FBXL7: variants seen among roughly 807,000 people sequenced by gnomAD.
FBXL7 encodes F-box and leucine rich repeat protein 7.
In FBXL7, 12 loss-of-function variants were observed where a neutral mutation model predicts 38.3. The observed-to-expected ratio is 0.31, with a 90% CI of 0.20 to 0.51. The LOEUF (loss-of-function observed/expected upper bound fraction) is 0.51. Ranked by LOEUF, FBXL7 falls within the 20% of genes least tolerant of loss-of-function variation. The probability of loss-of-function intolerance (pLI) is 0.98; values close to 1 mark genes in which losing one functional copy is unlikely to be tolerated. For missense variants in FBXL7, 567 were observed against 676.4 expected (o/e 0.84, Z 1.79); for synonymous variants, 297 against 300.9 (o/e 0.99, Z 0.13).
At chr5:15,816,161 A>G (rs1738007641) in intron 2 of FBXL7, among the ~76,000 whole-genome samples, 1 of 152,148 alleles carries the variant, frequency 6.6e-6, no homozygotes. Context: ...CTGCACCTAT[A>G]TGTTTATCAC....
Position 15,916,427 on chromosome 5 carries a change from A to G in FBXL7, c.128-11463A>G, listed in dbSNP as rs575087257. Among the ~76,000 whole-genome samples the G allele has an allele frequency of 7.1e-4, 108 of 152,290 alleles. 1 individual carries two copies. The highest frequency in any genetic ancestry group is 2.5e-3 in the African/African-American group (104 of 41,558). ...TTGGGGAGTCATTAGCTTATAGGCAATTGCTGAAGCCTTGTGGGCCGTGAG... is the reference window on the plus strand; with the variant it reads ...TTGGGGAGTCATTAGCTTATAGGCAGTTGCTGAAGCCTTGTGGGCCGTGAG... On this transcript the variant is annotated intron_variant, in intron 2 of 3. Transcript: ENST00000504595.
chr5:15,540,643 TTCTTTAAA>T (rs755440060), intron 1 of FBXL7, among the ~76,000 whole-genome samples: 174 of 152,376 alleles, frequency 1.1e-3, no homozygotes, highest in Non-Finnish European at 2.1e-3. Context: ...TAGACATTTA[TTCTTTAAA>T]AAGAGCAGAC....
At chr5:15,636,961 T>TTG (rs145863365) in intron 2 of FBXL7, among the ~76,000 whole-genome samples, 2 of 151,626 alleles carry the variant, frequency 1.3e-5, no homozygotes, top group African/African-American at 4.9e-5. Flanking sequence ...CAGAAATTTT[T>TTG]TTGTTGTTTT....
chr5:15,859,538 T>C (rs900465995), intron 2 of FBXL7, among the ~76,000 whole-genome samples: 2 of 152,006 alleles, frequency 1.3e-5, no homozygotes, highest in Non-Finnish European at 2.9e-5. Flanking sequence ...GCTCGGGAAG[T>C]CTCACAATCA....
chr5:15,763,523 T>TA (rs2126701211), intron 2 of FBXL7, among the ~76,000 whole-genome samples: 1 of 152,288 alleles, frequency 6.6e-6, no homozygotes, highest in Non-Finnish European at 1.5e-5. Context: ...CTACATCGAA[T>TA]ATAATTTGTG....
intron 2 of FBXL7, among the ~76,000 whole-genome samples, chr5:15,864,754 T>C (rs936834247): frequency 2.6e-5 from 4 of 152,224 alleles, no homozygotes; most frequent in Non-Finnish European, 4.4e-5. Flanking sequence ...ATGGTTTACG[T>C]TGCAGTAGAA....
At chr5:15,523,402 CA>C (rs1561014290) in intron 1 of FBXL7, among the ~76,000 whole-genome samples, 4 of 151,528 alleles carry the variant, frequency 2.6e-5, no homozygotes, top group African/African-American at 7.3e-5. Flanking sequence ...ACTAAAAATA[CA>C]AAAAAATTAG....
chr5:15,520,659 G>A (rs1417264069), intron 1 of FBXL7, among the ~76,000 whole-genome samples: 1 of 152,264 alleles, frequency 6.6e-6, no homozygotes, highest in Non-Finnish European at 1.5e-5. Context: ...TAGTGATCAA[G>A]TTTCCTAACG....
intron 2 of FBXL7, among the ~76,000 whole-genome samples, chr5:15,642,774 C>G (rs190553649): frequency 1.3e-5 from 2 of 152,146 alleles, no homozygotes; most frequent in Non-Finnish European, 2.9e-5. Context: ...CATATTAGAG[C>G]CTTCATCTGG....
rs1188560213 is a variant in FBXL7, at chr5:15,851,880, A to G, written c.128-76010A>G. Among the ~76,000 whole-genome samples, 9 of 152,048 alleles carry G rather than the reference A, an allele frequency of 5.9e-5. No individual in the cohort carries two copies. The South Asian group carries it at 1.9e-3, about 32-fold the overall frequency. On this transcript the variant is annotated intron_variant, in intron 2 of 3. Coordinates refer to ENST00000504595, the MANE Select transcript of FBXL7 (RefSeq NM_012304.5). Reference sequence around the variant, plus strand: ...TCCTTGGCTAGTTTTTTTGTAATATATATATTTCCTATATGTAGCTACCCT... The same window carrying G: ...TCCTTGGCTAGTTTTTTTGTAATATGTATATTTCCTATATGTAGCTACCCT...
intron 1 of FBXL7, among the ~76,000 whole-genome samples, chr5:15,527,890 A>G (rs1037882877): frequency 6.6e-5 from 10 of 152,226 alleles, no homozygotes; most frequent in African/African-American, 9.6e-5. Context: ...GATACTTCCT[A>G]TGTCAGAACA....
intron 2 of FBXL7, among the ~76,000 whole-genome samples, chr5:15,634,022 C>T (rs1179132762): frequency 2.0e-5 from 3 of 151,662 alleles, no homozygotes; most frequent in Non-Finnish European, 4.4e-5. Flanking sequence ...CTCAGGTGAT[C>T]CACCTGCCTC....
At chr5:15,819,474 G>A (rs578086548) in intron 2 of FBXL7, among the ~76,000 whole-genome samples, 62 of 152,230 alleles carry the variant, frequency 4.1e-4, no homozygotes, top group African/African-American at 1.5e-3. Context: ...TTACTGCTAA[G>A]CATTTGTGTA....
At chr5:15,538,767 G>C (rs1737656910) in intron 1 of FBXL7, among the ~76,000 whole-genome samples, 1 of 152,148 alleles carries the variant, frequency 6.6e-6, no homozygotes, top group African/African-American at 2.4e-5. Flanking sequence ...AGGGCTGGTG[G>C]GCAGCAGTGG....
intron 1 of FBXL7, chr5:15,580,515 C>A (rs2126466387): frequency 1.8e-6 from 1 of 541,670 alleles, no homozygotes; most frequent in Non-Finnish European, 2.4e-6. Context: ...TACCTAAAAA[C>A]AGAGTTTTAG....
chr5:15,532,340 C>A (rs542984821), intron 1 of FBXL7, among the ~76,000 whole-genome samples: 13 of 152,270 alleles, frequency 8.5e-5, no homozygotes, highest in African/African-American at 3.1e-4. Context: ...TCCCAAATAA[C>A]CTGGACCTGA....
At chr5:15,798,374 C>T (rs1561130465) in intron 2 of FBXL7, among the ~76,000 whole-genome samples, 1 of 152,162 alleles carries the variant, frequency 6.6e-6, no homozygotes, top group Non-Finnish European at 1.5e-5. Flanking sequence ...CTCCAGTTTC[C>T]CCTTTTCTTT....
chr5:15,502,786 A>G (rs1233942061), intron 1 of FBXL7, among the ~76,000 whole-genome samples: 2 of 152,246 alleles, frequency 1.3e-5, no homozygotes, highest in Non-Finnish European at 2.9e-5. Flanking sequence ...GTAGATTGCA[A>G]ATAACCTGCT....
chr5:15,920,020 A>C (rs1056088503), intron 2 of FBXL7, among the ~76,000 whole-genome samples: 1 of 152,180 alleles, frequency 6.6e-6, no homozygotes, highest in African/African-American at 2.4e-5. Context: ...GGACTTTGGG[A>C]GGCTGATGTG....
Sources: allele counts gnomAD v4.1 joint callset (sites outside exome capture counted in the v4.1 genomes callset), GRCh38; gene constraint gnomAD v4.1.1; transcripts MANE v1.5; gene names NCBI Gene and HGNC (gene_info 2026-07-23, HGNC 2026-07-21).